Variants in SSUH2 observed in about 807,000 individuals in gnomAD.
SSUH2 encodes protein SSUH2 homolog.
Under a neutral mutation model 55.3 loss-of-function variants are expected in SSUH2, and 47 were observed. That is an observed-to-expected ratio of 0.85 (90% CI 0.67 to 1.08). The LOEUF (loss-of-function observed/expected upper bound fraction) is 1.08. Among genes scored for constraint, SSUH2 ranks in the 50% least tolerant of loss-of-function variants. SSUH2 has a pLI of 0.00. For missense variants in SSUH2, 535 were observed against 490.7 expected, an observed-to-expected ratio of 1.09 and a Z score of -0.85; for synonymous variants, 212 against 191.5, an observed-to-expected ratio of 1.11 and a Z score of -0.89.
At chr3:8,633,452 A>G (rs1333945239) in intron 4 of SSUH2, among the ~76,000 whole-genome samples, 1 of 152,102 alleles carries the variant, frequency 6.6e-6, no homozygotes, top group Non-Finnish European at 1.5e-5. Context: ...GAGCCGCCGC[A>G]CCCGGCCTGA....
Position 8,623,658 on chromosome 3 carries a change from T to A in SSUH2, c.874-2A>T. 6.7e-7 allele frequency: 1 copy of A among 1,487,706 alleles called. No individual in the cohort carries two copies. Among genetic ancestry groups the A allele is most frequent in the Non-Finnish European group, 9.1e-7 (1 of 1,096,866 alleles). 92.2% of individuals were successfully genotyped at this position (1,487,706 alleles called of 1,614,324 possible). A position where few individuals can be genotyped will look rare whatever the true frequency, so the allele number is the denominator to read the frequency against. On this transcript the variant is annotated splice_acceptor_variant, in intron 10 of 11. Transcript: ENST00000544814. LOFTEE classifies it high-confidence loss of function. ...AGGGAAGTCCACGATGGGGTACACC[T>A]GGGGGAAAGAGAGAGAGACACAGAC... is the stretch of plus-strand genomic sequence containing the variant.
At chr3:8,634,382 C>T in intron 3 of SSUH2, 1 of 1,291,486 alleles carries the variant, frequency 7.7e-7, no homozygotes, top group African/African-American at 1.5e-5. Context: ...TCCCTGAGGC[C>T]ATGCCACCCC....
chr3:8,672,496 G>GAATATT (rs1398006716), intron 3 of SSUH2, among the ~76,000 whole-genome samples: 1 of 152,026 alleles, frequency 6.6e-6, no homozygotes, highest in South Asian at 2.1e-4. Context: ...TGAATATTAA[G>GAATATT]AACAATATCA....
intron 6 of SSUH2, chr3:8,659,812 A>AAG (rs751338385): frequency 8.8e-6 from 4 of 456,022 alleles, no homozygotes; most frequent in South Asian, 3.1e-5. Context: ...CTGCAGTCAG[A>AAG]AGAGAGAGAG....
chr3:8,625,685 G>T, intron 9 of SSUH2, 38 bp from the exon 10 acceptor site: 1 of 1,448,916 alleles, frequency 6.9e-7, no homozygotes. Flanking sequence ...AGCACACAGT[G>T]TGGCAGGTTA....
chr3:8,657,636 T>G (rs1457178792), intron 7 of SSUH2, among the ~76,000 whole-genome samples: 1 of 152,050 alleles, frequency 6.6e-6, no homozygotes, highest in African/African-American at 2.4e-5. Context: ...GTCAAGTACA[T>G]GGAGAAGAGG....
chr3:8,640,090 G>A (rs1001114289), intron 1 of SSUH2: 1 of 749,088 alleles, frequency 1.3e-6, no homozygotes, highest in Non-Finnish European at 1.6e-6. Context: ...AAGGGAATAA[G>A]GAATTATTTA....
At chr3:8,677,040 C>A (rs1266246881) in intron 3 of SSUH2, among the ~76,000 whole-genome samples, 133 of 149,682 alleles carry the variant, frequency 8.9e-4, no homozygotes, top group African/African-American at 3.1e-3. Flanking sequence ...GGAGGAACCC[C>A]CCAGGAGGCG....
chr3:8,662,794 C>T (rs1291824230), intron 6 of SSUH2, among the ~76,000 whole-genome samples: 1 of 152,214 alleles, frequency 6.6e-6, no homozygotes, highest in Admixed American at 6.5e-5. Context: ...TGGTCTTCAT[C>T]CCAAATCTGC....
At chr3:8,633,534 G>A (rs1032325454) in intron 4 of SSUH2, 132 bp downstream of exon 4, 32 of 625,882 alleles carry the variant, frequency 5.1e-5, no homozygotes, top group Middle Eastern at 9.0e-4. Flanking sequence ...CATCACCACC[G>A]CTCACACTCA....
At chr3:8,634,692 T>C (rs1232945323) in intron 3 of SSUH2, 1 of 828,206 alleles carries the variant, frequency 1.2e-6, no homozygotes, top group Non-Finnish European at 1.8e-6. Flanking sequence ...GGGTTGCTTC[T>C]GGCAGCAGCA....
intron 1 of SSUH2, among the ~76,000 whole-genome samples, chr3:8,638,483 C>T (rs1431616623): frequency 6.6e-6 from 1 of 152,186 alleles, no homozygotes; most frequent in Non-Finnish European, 1.5e-5. Flanking sequence ...AATGGTCCTG[C>T]CACATTTTGA....
intron 1 of SSUH2, among the ~76,000 whole-genome samples, chr3:8,640,645 G>A (rs954233471): frequency 6.6e-6 from 1 of 152,042 alleles, no homozygotes; most frequent in East Asian, 1.9e-4. Flanking sequence ...AAAGAGACAA[G>A]GAGAACAGAA....
At position 8,632,064 on chromosome 3, in the gene SSUH2, A is replaced by G; in HGVS notation, c.385T>C (p.Phe129Leu). Residue 129 changes from phenylalanine to leucine, a missense_variant, in exon 5 of 12, where the codon TTT becomes CTT. Transcript: ENST00000544814. ...FSESRISEWTFQPFTNHSVDG... is the reference protein window; with the variant it reads ...FSESRISEWTLQPFTNHSVDG... Reference sequence around the variant, plus strand: ...ATTCACTTACTAGTAAAGGGTTGAAATGTCCACTCGCTTATCCTGGATTCA... The same window carrying G: ...ATTCACTTACTAGTAAAGGGTTGAAGTGTCCACTCGCTTATCCTGGATTCA... 1 of 1,613,954 alleles carries G rather than the reference A, an allele frequency of 6.2e-7. No homozygotes were observed. The highest frequency in any genetic ancestry group is 8.5e-7 in the Non-Finnish European group (1 of 1,179,866).
rs1425121451 is a variant in SSUH2, at chr3:8,619,648, T to C, written c.*220A>G. On this transcript the variant is annotated 3_prime_UTR_variant, in exon 12 of 12. Coordinates refer to ENST00000544814, the MANE Select transcript of SSUH2 (RefSeq NM_001256748.3). ...CTCATTTGTTCTACAGGAATGTGTA[T>C]AGCTGAATTATTGTAGGTTAAACAT... 3 of 484,918 alleles carry C rather than the reference T, an allele frequency of 6.2e-6. No individual in the cohort carries two copies. The highest frequency in any genetic ancestry group is 6.8e-5 in the East Asian group (2 of 29,474). The allele number at this position is 484,918 out of a possible 1,614,324, so 30.0% of individuals were successfully genotyped here.
At chr3:8,670,784 T>C (rs1704480588) in intron 5 of SSUH2, among the ~76,000 whole-genome samples, 4 of 152,028 alleles carry the variant, frequency 2.6e-5, no homozygotes, top group African/African-American at 9.7e-5. Context: ...GATATGACGA[T>C]TCATATCACA....
chr3:8,641,497 G>T (rs1421936056), intron 1 of SSUH2, among the ~76,000 whole-genome samples: 2 of 152,212 alleles, frequency 1.3e-5, no homozygotes, highest in Non-Finnish European at 2.9e-5. Context: ...ATTCAGGAGA[G>T]CCTGGGGATC....
At chr3:8,625,477 C>G (rs1697337903) in intron 10 of SSUH2, 65 bp downstream of exon 10, 7 of 1,002,820 alleles carry the variant, frequency 7.0e-6, no homozygotes, top group South Asian at 2.7e-5. Flanking sequence ...AGCTAGCAGC[C>G]CCAGGCCCAC....
At chr3:8,639,447 A>G (rs1444029681) in intron 1 of SSUH2, among the ~76,000 whole-genome samples, 1 of 152,206 alleles carries the variant, frequency 6.6e-6, no homozygotes, top group Non-Finnish European at 1.5e-5. Flanking sequence ...TAGCACTTAG[A>G]GCTCAGATCC....
Sources: gnomAD v4.1 joint callset for allele counts (sites outside exome capture counted in the v4.1 genomes callset) on GRCh38, gnomAD v4.1.1 for gene constraint, MANE v1.5 for transcripts, NCBI Gene and HGNC (gene_info 2026-07-23, HGNC 2026-07-21) for gene names.